The following CSMD3 variants were observed in gnomAD, a reference collection of about 807,000 sequenced individuals.
The protein encoded by CSMD3 is CUB and Sushi multiple domains 3.
CSMD3 carries 177 observed loss-of-function variants against 435.2 expected under a neutral mutation model. The ratio of observed to expected loss-of-function variants is 0.41; its 90% CI spans 0.36 to 0.46. CSMD3 has a LOEUF of 0.46. Ranked by LOEUF, CSMD3 falls within the 20% of genes least tolerant of loss-of-function variation. The pLI, the probability that CSMD3 is intolerant of heterozygous loss-of-function variation, is 0.34. For missense variants in CSMD3, 4,265 were observed against 4,504.6 expected, an observed-to-expected ratio of 0.95 and a Z score of 1.52; for synonymous variants, 1,656 against 1,520.5, an observed-to-expected ratio of 1.09 and a Z score of -2.07.
chr8:112,491,797 T>C (rs892062314), intron 31 of CSMD3, among the ~76,000 whole-genome samples: 3 of 152,208 alleles, frequency 2.0e-5, no homozygotes, highest in African/African-American at 7.2e-5. Flanking sequence ...GATTTTATGA[T>C]TCACTGTTGG....
intron 1 of CSMD3, among the ~76,000 whole-genome samples, chr8:113,408,465 C>T (rs371734229): frequency 2.0e-5 from 3 of 151,960 alleles, no homozygotes; most frequent in Non-Finnish European, 2.9e-5. Flanking sequence ...AGACTAAGGA[C>T]GTTTTTCAAT....
intron 13 of CSMD3, among the ~76,000 whole-genome samples, chr8:112,735,935 AT>A (rs921636042): frequency 6.6e-6 from 1 of 151,980 alleles, no homozygotes. Context: ...AAAATCTAAA[AT>A]TTTTAATTAT....
In CSMD3 at chr8:113,029,718, G is replaced by A. The variant is rs529409696; in HGVS notation, c.918-10539C>T. 2.0e-4 allele frequency among the ~76,000 whole-genome samples: 30 copies of A among 151,624 alleles called. 1 individual carries two copies. The South Asian group carries it at 5.9e-3, about 30-fold the overall frequency. On this transcript the variant is annotated intron_variant, in intron 5 of 70. Transcript: ENST00000297405. ...GCATTCCCTCTGAGAACTGGAACAA[G>A]ACAAGGATGTCCACTCTCACCACTC...
chr8:113,078,782 T>C (rs894076988), intron 5 of CSMD3, among the ~76,000 whole-genome samples: 2 of 152,148 alleles, frequency 1.3e-5, no homozygotes, highest in Non-Finnish European at 1.5e-5. Flanking sequence ...CACAGAGTAA[T>C]AGCTGCACAG....
At chr8:112,393,207 G>A (rs947756625) in intron 35 of CSMD3, among the ~76,000 whole-genome samples, 1 of 152,056 alleles carries the variant, frequency 6.6e-6, no homozygotes, top group African/African-American at 2.4e-5. Flanking sequence ...ATAGTTAATT[G>A]TATTAGTCTC....
intron 32 of CSMD3, among the ~76,000 whole-genome samples, chr8:112,424,253 A>G (rs1399130602): frequency 1.3e-5 from 2 of 152,220 alleles, no homozygotes; most frequent in Non-Finnish European, 2.9e-5. Context: ...ATTGCAAAAA[A>G]CAACAACAAC....
At chr8:113,355,817 TCAAC>T in intron 1 of CSMD3, among the ~76,000 whole-genome samples, 1 of 135,252 alleles carries the variant, frequency 7.4e-6, no homozygotes, top group South Asian at 2.4e-4. Flanking sequence ...CATTTATCTA[TCAAC>T]CAAAAAAATT....
chr8:112,734,931 G>A (rs552737559), intron 13 of CSMD3, among the ~76,000 whole-genome samples: 10 of 152,072 alleles, frequency 6.6e-5, no homozygotes, highest in Admixed American at 4.6e-4. Flanking sequence ...GCAAAAGGCT[G>A]CACAGGGAAA....
intron 6 of CSMD3, among the ~76,000 whole-genome samples, chr8:113,012,944 T>C (rs1186056853): frequency 6.6e-6 from 1 of 152,052 alleles, no homozygotes; most frequent in Non-Finnish European, 1.5e-5. Flanking sequence ...ACTAGAATGG[T>C]GGGATATATG....
At chr8:113,225,332 G>C (rs2132154630) in intron 3 of CSMD3, among the ~76,000 whole-genome samples, 1 of 151,480 alleles carries the variant, frequency 6.6e-6, no homozygotes, top group East Asian at 2.0e-4. Context: ...TTCTTCTCTT[G>C]TCCACTAGTG....
intron 5 of CSMD3, among the ~76,000 whole-genome samples, chr8:113,069,871 T>C (rs1034499106): frequency 6.6e-6 from 1 of 152,096 alleles, no homozygotes; most frequent in Non-Finnish European, 1.5e-5. Context: ...GTTCTGTAAC[T>C]GCACAGACAA....
At chr8:112,378,891 A>C (rs1033074508) in intron 38 of CSMD3, among the ~76,000 whole-genome samples, 7 of 152,174 alleles carry the variant, frequency 4.6e-5, no homozygotes, top group African/African-American at 1.7e-4. Flanking sequence ...CATTGTATAC[A>C]TGTACAAAAA....
chr8:112,597,594 T>A (rs1196472002), intron 22 of CSMD3, among the ~76,000 whole-genome samples: 1 of 118,010 alleles, frequency 8.5e-6, no homozygotes, highest in East Asian at 2.2e-4. Context: ...ATATCCTTGA[T>A]GAACATTGAT....
chr8:112,542,134 A>C (rs190870725), intron 27 of CSMD3, among the ~76,000 whole-genome samples: 2 of 151,966 alleles, frequency 1.3e-5, no homozygotes, highest in Admixed American at 6.6e-5. Context: ...TATATTAGGA[A>C]TAGAAGAAGA....
intron 27 of CSMD3, among the ~76,000 whole-genome samples, chr8:112,526,190 G>T (rs185384679): frequency 6.6e-6 from 1 of 151,700 alleles, no homozygotes; most frequent in Non-Finnish European, 1.5e-5. Context: ...AAGATATTCA[G>T]TGGATTTTAA....
intron 13 of CSMD3, among the ~76,000 whole-genome samples, chr8:112,704,229 C>G (rs1459540994): frequency 6.6e-6 from 1 of 151,898 alleles, no homozygotes; most frequent in East Asian, 1.9e-4. Context: ...ATCCCCCCAC[C>G]TCAACTGCTG....
chr8:112,603,748 C>T (rs1832567432), intron 22 of CSMD3, among the ~76,000 whole-genome samples: 1 of 151,978 alleles, frequency 6.6e-6, no homozygotes, highest in South Asian at 2.1e-4. Flanking sequence ...TGAGTTCTTT[C>T]AAATTGTCAC....
At chr8:113,270,995 A>AAC (rs1021410506) in intron 3 of CSMD3, among the ~76,000 whole-genome samples, 3 of 151,382 alleles carry the variant, frequency 2.0e-5, no homozygotes, top group Non-Finnish European at 2.9e-5. Context: ...TAAAAAAAAA[A>AAC]AACTGGTGGC....
At chr8:113,128,491 T>A (rs946135481) in intron 4 of CSMD3, among the ~76,000 whole-genome samples, 1 of 152,022 alleles carries the variant, frequency 6.6e-6, no homozygotes, top group South Asian at 2.1e-4. Flanking sequence ...GCAATGCTTA[T>A]GTCAAAACAA....
Sources: gnomAD v4.1 joint callset for allele counts (sites outside exome capture counted in the v4.1 genomes callset) on GRCh38, gnomAD v4.1.1 for gene constraint, MANE v1.5 for transcripts, NCBI Gene and HGNC (gene_info 2026-07-23, HGNC 2026-07-21) for gene names.